The following HUWE1 variants were observed in gnomAD, a reference collection of about 807,000 sequenced individuals.
The protein encoded by HUWE1 is HECT, UBA and WWE domain containing E3 ubiquitin protein ligase 1, also known as E3 ubiquitin-protein ligase HUWE1.
Under a neutral mutation model 299.4 loss-of-function variants are expected in HUWE1, and 18 were observed. The observed-to-expected ratio is 0.06, with a 90% CI of 0.04 to 0.09. The LOEUF (loss-of-function observed/expected upper bound fraction) is 0.09, where lower values mean the gene tolerates loss of function less well. Ranked by LOEUF, HUWE1 falls within the 10% of genes least tolerant of loss-of-function variation. The probability of loss-of-function intolerance (pLI) is 1.00; values close to 1 mark genes in which losing one functional copy is unlikely to be tolerated. For missense variants in HUWE1, 1,832 were observed against 3,462.3 expected (o/e 0.53, Z 11.82); for synonymous variants, 1,317 against 1,286.1 (o/e 1.02, Z -0.51).
chrX:53,621,655 C>T (rs905649082), intron 19 of HUWE1, among the ~76,000 whole-genome samples: 1 of 110,494 alleles, frequency 9.1e-6, no homozygotes, highest in Admixed American at 9.7e-5. Flanking sequence ...TCACTATTTA[C>T]ACTCTAATTT....
At chrX:53,554,329 G>A (rs907860997) in intron 61 of HUWE1, among the ~76,000 whole-genome samples, 2 of 110,142 alleles carry the variant, frequency 1.8e-5, no homozygotes, top group African/African-American at 6.6e-5. Context: ...AAAGTGCTGG[G>A]ATTATGAGTC....
At chrX:53,553,473 G>A (rs782546573) in intron 61 of HUWE1, among the ~76,000 whole-genome samples, 2 of 106,653 alleles carry the variant, frequency 1.9e-5, no homozygotes, top group African/African-American at 6.8e-5. Context: ...TTGATTCACT[G>A]CAGGCACCAC....
intron 17 of HUWE1, chrX:53,625,817 AGGGCCGGGACCAGGACCG>A (rs1471643788): frequency 1.6e-5 from 2 of 124,310 alleles, no homozygotes; most frequent in Non-Finnish European, 3.6e-5. Flanking sequence ...GGCCGGGGCC[AGGGCCGGGACCAGGACCG>A]GGGCCGGGGC....
At chrX:53,624,985 A>G (rs1353966954) in intron 18 of HUWE1, among the ~76,000 whole-genome samples, 172 bp downstream of exon 18, 1 of 112,524 alleles carries the variant, frequency 8.9e-6, no homozygotes, top group African/African-American at 3.2e-5. Flanking sequence ...AAAATAGCTA[A>G]GCAACACTTA....
chrX:53,619,701 GA>G (rs1306463325), intron 19 of HUWE1, among the ~76,000 whole-genome samples: 3 of 108,972 alleles, frequency 2.8e-5, no homozygotes, highest in Non-Finnish European at 5.7e-5. Context: ...ATACAATGAA[GA>G]AAACAGCCAC....
At chrX:53,614,372 CA>C (rs2065678474) in intron 23 of HUWE1, among the ~76,000 whole-genome samples, 161 bp downstream of exon 23, 1 of 111,498 alleles carries the variant, frequency 9.0e-6, no homozygotes, top group African/African-American at 3.3e-5. Flanking sequence ...ACACAAGGGT[CA>C]AAAAAGGAAA....
At chrX:53,567,385 T>C (rs1695732937) in intron 49 of HUWE1, among the ~76,000 whole-genome samples, 1 of 111,254 alleles carries the variant, frequency 9.0e-6, no homozygotes, top group Non-Finnish European at 1.9e-5. Context: ...TGTAATAATT[T>C]TGAGCATGAA....
At position 53,561,711 on chromosome X, in the gene HUWE1, A is replaced by G. The variant is rs782717309; in HGVS notation, c.7507+45T>C. 5.0e-6 allele frequency: 6 copies of G among 1,206,860 alleles called. No individual in the cohort carries two copies. The African/African-American group carries it at 7.0e-5, about 14-fold the overall frequency. ...TGCTTGGCTTACCCTAGAGAAGGGT[A>G]TAAGAATCAAGAGAGAAAAACCCAG... On this transcript the variant is annotated intron_variant, in intron 55 of 83. Coordinates refer to ENST00000262854, the MANE Select transcript of HUWE1 (RefSeq NM_031407.7).
chrX:53,579,371 G>C (rs1351130859), intron 43 of HUWE1, among the ~76,000 whole-genome samples: 72 of 109,361 alleles, frequency 6.6e-4, no homozygotes, highest in Non-Finnish European at 1.2e-3. Context: ...CGGGAGGTGA[G>C]GGGCACTTCT....
At chrX:53,590,795 T>A (rs1037747869) in intron 34 of HUWE1, among the ~76,000 whole-genome samples, 31 of 111,674 alleles carry the variant, frequency 2.8e-4, no homozygotes, top group Non-Finnish European at 5.8e-4. Context: ...TGACTGGGGG[T>A]TCTTGTGCAA....
intron 44 of HUWE1, among the ~76,000 whole-genome samples, 175 bp downstream of exon 44, chrX:53,576,725 C>T (rs782752826): frequency 8.9e-6 from 1 of 112,325 alleles, no homozygotes; most frequent in Non-Finnish European, 1.9e-5. Flanking sequence ...CCTGGTATGT[C>T]ATACTATATG....
intron 16 of HUWE1, 38 bp downstream of exon 16, chrX:53,627,701 A>T: frequency 8.7e-7 from 1 of 1,145,361 alleles, no homozygotes; most frequent in Non-Finnish European, 1.2e-6. Flanking sequence ...AGCTCTGAGT[A>T]TTAAATTCTG....
chrX:53,588,470 G>T lies in HUWE1; in HGVS notation c.4526C>A (p.Thr1509Asn). The change falls in exon 37 of 84, where the codon ACC (threonine) becomes AAC (asparagine). Residue 1509 changes from threonine (T) to asparagine (N), a missense_variant. This residue lies in a region of HUWE1 where 658 missense variants were observed against 1,282.6 expected (regional missense o/e 0.51). Coordinates refer to ENST00000262854, the MANE Select transcript of HUWE1 (RefSeq NM_031407.7). ...CATCTGACTTATCCACTCTGACACGGTTTTTGTGTCACTTGTTGTCAGGGG... is the reference window on the plus strand; with the variant it reads ...CATCTGACTTATCCACTCTGACACGTTTTTTGTGTCACTTGTTGTCAGGGG... ...ALPLTTSDTK[T>N]VSEWISQMAT... 1 of 1,207,673 alleles carries T rather than the reference G, an allele frequency of 8.3e-7. No homozygotes were observed. The highest frequency in any genetic ancestry group is 1.1e-6 in the Non-Finnish European group (1 of 893,001).
At chrX:53,559,259 G>T in intron 57 of HUWE1, 95 bp downstream of exon 57, 4 of 997,633 alleles carry the variant, frequency 4.0e-6, no homozygotes, top group Non-Finnish European at 5.7e-6. Context: ...ATAAAATGGG[G>T]GTTTTCTATA....
At chrX:53,568,640 G>A (rs2062681614) in intron 49 of HUWE1, 52 bp downstream of exon 49, 1 of 1,120,502 alleles carries the variant, frequency 8.9e-7, no homozygotes, top group Non-Finnish European at 1.2e-6. Flanking sequence ...CACATCATTC[G>A]TGTAGTGAGG....
chrX:53,634,284 C>T lies in HUWE1; in HGVS notation c.519G>A (p.Lys173=), dbSNP rs1184351356. Residue 173 remains lysine, a synonymous_variant, in exon 8 of 84, where the codon AAG becomes AAA. Transcript: ENST00000262854. The part of the protein sequence containing the change: ...LQHLAESWGG[K]ENGFGLAECC... ...ATTCTGCAAGTCCAAAGCCATTCTCCTTTCCACCCCAGCTCTTGAAAAAGG... is the reference window on the plus strand; with the variant it reads ...ATTCTGCAAGTCCAAAGCCATTCTCTTTTCCACCCCAGCTCTTGAAAAAGG... The T allele has an allele frequency of 9.1e-6, 11 of 1,204,881 alleles. No homozygotes were observed. The highest frequency in any genetic ancestry group is 1.2e-5 in the Non-Finnish European group (11 of 890,381).
chrX:53,588,481 A>C lies in HUWE1; in HGVS notation c.4515T>G (p.Ser1505Arg), dbSNP rs782626998. 1 of 1,207,198 alleles carries C rather than the reference A, an allele frequency of 8.3e-7. No homozygotes were observed. Among genetic ancestry groups the C allele is most frequent in the Admixed American group, 2.2e-5 (1 of 45,696 alleles). The change falls in exon 37 of 84, where the codon AGT becomes AGG. Residue 1505 changes from serine (S) to arginine (R), a missense_variant. This residue lies in a region of HUWE1 where 658 missense variants were observed against 1,282.6 expected (regional missense o/e 0.51). Coordinates refer to ENST00000262854, the MANE Select transcript of HUWE1 (RefSeq NM_031407.7). ...TCCACTCTGACACGGTTTTTGTGTCACTTGTTGTCAGGGGAAGAGCAGCTT... is the reference window on the plus strand; with the variant it reads ...TCCACTCTGACACGGTTTTTGTGTCCCTTGTTGTCAGGGGAAGAGCAGCTT... ...LIKAALPLTT[S>R]DTKTVSEWIS...
chrX:53,616,906 C>A, intron 21 of HUWE1, 64 bp downstream of exon 21: 1 of 975,603 alleles, frequency 1.0e-6, no homozygotes, highest in South Asian at 2.1e-5. Context: ...GAGAGATGAT[C>A]AAGGAAGAGT....
intron 66 of HUWE1, among the ~76,000 whole-genome samples, chrX:53,549,839 C>A (rs1355052521): frequency 9.2e-6 from 1 of 108,726 alleles, no homozygotes; most frequent in Non-Finnish European, 1.9e-5. Context: ...GCAACCTCCA[C>A]CCCCTAGGAT....
Sources: gnomAD v4.1 joint callset for allele counts (sites outside exome capture counted in the v4.1 genomes callset) on GRCh38, gnomAD v4.1.1 for gene constraint, gnomAD v4.1.1 regional missense constraint, MANE v1.5 for transcripts, NCBI Gene and HGNC (gene_info 2026-07-23, HGNC 2026-07-21) for gene names.